Variants in ZNF507 observed in about 807,000 individuals in gnomAD.
ZNF507 encodes the protein zinc finger protein 507.
A neutral mutation model predicts 80.0 loss-of-function variants in ZNF507; 29 were observed. That is an observed-to-expected ratio of 0.36 (90% CI 0.27 to 0.49). The LOEUF (loss-of-function observed/expected upper bound fraction) is 0.49. Among genes scored for constraint, ZNF507 ranks in the 20% least tolerant of loss-of-function variants. The probability of loss-of-function intolerance (pLI) is 0.98; values close to 1 mark genes in which losing one functional copy is unlikely to be tolerated. For synonymous variants in ZNF507, 462 were observed against 422.5 expected (o/e 1.09, Z -1.15); for missense variants, 1,081 against 1,152.2 (o/e 0.94, Z 0.90).
rs1967201067 is a variant in ZNF507, at chr19:32,353,496, G to A, written c.666G>A (p.Gln222=). The A allele has an allele frequency of 6.2e-7, 1 of 1,614,094 alleles. No individual in the cohort carries two copies. Among genetic ancestry groups the A allele is most frequent in the Admixed American group, 1.7e-5 (1 of 60,006 alleles). The change falls in exon 3 of 7, where the codon CAG becomes CAA. Residue 222 remains glutamine (Q), a synonymous_variant. Transcript: ENST00000355898. ...PDIPVSVDNL[Q]THTVQTASVA... is the part of the protein sequence containing the mutation. ...TCCCAGTAAGTGTGGACAATCTACA[G>A]ACTCATACTGTCCAAACTGCATCTG...
At chr19:32,359,222 T>C (rs1967290170) in intron 4 of ZNF507, 1 of 152,240 alleles carries the variant, frequency 6.6e-6, no homozygotes, top group Non-Finnish European at 1.5e-5. Flanking sequence ...AGTGTGTATA[T>C]TAACGTTATA....
rs10616609 is a variant in ZNF507, at chr19:32,378,650, T to TA, written c.2361-3807dup. The stretch of plus-strand genomic sequence containing the variant: ...TCTAAAATTAGAAGCTTTTTTTTTT[T>TA]AAAAAAAAAAGGGAAAACAGTAAAC... On this transcript the variant is annotated intron_variant, in intron 5 of 6. Coordinates refer to ENST00000355898, the MANE Select transcript of ZNF507 (RefSeq NM_001136156.2). Among the ~76,000 whole-genome samples the TA allele has an allele frequency of 1.3e-3, 148 of 113,060 alleles. 2 individuals are homozygous for TA. Among genetic ancestry groups the TA allele is most frequent in the South Asian group, 6.7e-3 (25 of 3,716 alleles). 74.2% of individuals were successfully genotyped at this position (113,060 alleles called of 152,430 possible). A position where few individuals can be genotyped will look rare whatever the true frequency, so the allele number is the denominator to read the frequency against.
Position 32,386,312 on chromosome 19 carries a change from T to C in ZNF507, c.*3229T>C, listed in dbSNP as rs530208288. 2 of 152,778 alleles carry C rather than the reference T, an allele frequency of 1.3e-5. No homozygotes were observed. The highest frequency in any genetic ancestry group is 2.4e-5 in the African/African-American group (1 of 41,582). The allele number at this position is 152,778 out of a possible 1,614,324, so 9.5% of individuals were successfully genotyped here. A position where few individuals can be genotyped will look rare whatever the true frequency, so the allele number is the denominator to read the frequency against. On this transcript the variant is annotated 3_prime_UTR_variant, in exon 7 of 7. Coordinates refer to ENST00000355898, the MANE Select transcript of ZNF507 (RefSeq NM_001136156.2). ...TACATTGCACCTTCCCGTGCTGTAA[T>C]TGGCTTGACAAAGACAAGCAGGCTT...
intron 5 of ZNF507, among the ~76,000 whole-genome samples, chr19:32,381,514 C>T (rs1470997478): frequency 1.3e-5 from 2 of 151,926 alleles, no homozygotes; most frequent in Non-Finnish European, 1.5e-5. Context: ...GCATGAGAAT[C>T]GCTTGAACCC....
chr19:32,373,725 T>C (rs768630314), intron 5 of ZNF507, among the ~76,000 whole-genome samples: 1 of 152,246 alleles, frequency 6.6e-6, no homozygotes, highest in Non-Finnish European at 1.5e-5. Context: ...CTGTGGCCAA[T>C]TATTTATTTG....
chr19:32,358,361 T>A (rs189382118), intron 4 of ZNF507: 2 of 152,364 alleles, frequency 1.3e-5, no homozygotes, highest in Admixed American at 1.3e-4. Context: ...GAAGAGAGAT[T>A]TGTGCCTCTG....
chr19:32,371,071 G>A (rs894838769), intron 5 of ZNF507, among the ~76,000 whole-genome samples: 3 of 152,118 alleles, frequency 2.0e-5, no homozygotes, highest in African/African-American at 7.2e-5. Context: ...CATTTATTCT[G>A]TTCCATGGAT....
At chr19:32,377,204 A>C (rs1568309495) in intron 5 of ZNF507, among the ~76,000 whole-genome samples, 1 of 152,130 alleles carries the variant, frequency 6.6e-6, no homozygotes, top group Admixed American at 6.5e-5. Context: ...CAGTCTGCTA[A>C]GTAGCGAGTG....
intron 5 of ZNF507, among the ~76,000 whole-genome samples, chr19:32,372,467 C>T (rs192389826): frequency 6.6e-4 from 100 of 152,204 alleles, no homozygotes; most frequent in African/African-American, 2.3e-3. Flanking sequence ...TCACCCACAA[C>T]GCTCCACATG....
chr19:32,372,077 A>G (rs1373242670), intron 5 of ZNF507, among the ~76,000 whole-genome samples: 1 of 152,220 alleles, frequency 6.6e-6, no homozygotes, highest in African/African-American at 2.4e-5. Flanking sequence ...AAAACATTCT[A>G]GCTCTATGCT....
At chr19:32,376,965 T>G (rs1193431667) in intron 5 of ZNF507, among the ~76,000 whole-genome samples, 3 of 152,072 alleles carry the variant, frequency 2.0e-5, no homozygotes, top group African/African-American at 7.2e-5. Flanking sequence ...ATCAGAGACT[T>G]TTAGTACTTT....
intron 5 of ZNF507, among the ~76,000 whole-genome samples, chr19:32,371,404 G>T (rs537328209): frequency 4.2e-4 from 63 of 151,248 alleles, no homozygotes; most frequent in African/African-American, 1.5e-3. Context: ...AACCTGGGAG[G>T]GGGAGGTTGC....
At chr19:32,367,479 C>T (rs533877473) in intron 5 of ZNF507, among the ~76,000 whole-genome samples, 155 of 152,322 alleles carry the variant, frequency 1.0e-3, no homozygotes, top group African/African-American at 3.6e-3. Flanking sequence ...GCTTGCCTTT[C>T]TACTTTCTTA....
intron 5 of ZNF507, among the ~76,000 whole-genome samples, chr19:32,379,033 T>G (rs372971343): frequency 7.9e-5 from 12 of 152,312 alleles, no homozygotes; most frequent in African/African-American, 2.9e-4. Flanking sequence ...GGCAATGAGC[T>G]GGGTGCCCAG....
chr19:32,359,361 C>T (rs545763112), intron 4 of ZNF507: 1 of 152,218 alleles, frequency 6.6e-6, no homozygotes, highest in African/African-American at 2.4e-5. Context: ...TGTGGGTTTT[C>T]CTTTGTATAA....
At chr19:32,352,788 C>T (rs562342618) in intron 2 of ZNF507, 41 bp from the exon 3 acceptor site, 7 of 1,504,132 alleles carry the variant, frequency 4.7e-6, no homozygotes, top group South Asian at 4.0e-5. Flanking sequence ...TGTAATTATC[C>T]TGTAACCTGG....
chr19:32,354,509 G>A lies in ZNF507; in HGVS notation c.1679G>A (p.Ser560Asn). The A allele has an allele frequency of 6.2e-7, 1 of 1,614,166 alleles. No homozygotes were observed. The highest frequency in any genetic ancestry group is 2.2e-5 in the East Asian group (1 of 44,888). ...SSDGLTSLNQSNSTLVALPEG... is the reference protein window; with the variant it reads ...SSDGLTSLNQNNSTLVALPEG... ...GATGGATTAACTAGTCTTAACCAAAGCAACTCCACCTTGGTAGCACTCCCA... is the reference window on the plus strand; with the variant it reads ...GATGGATTAACTAGTCTTAACCAAAACAACTCCACCTTGGTAGCACTCCCA... The change falls in exon 3 of 7, where the codon AGC becomes AAC. Residue 560 changes from serine to asparagine, a missense_variant. This residue lies in a region of ZNF507 where 614 missense variants were observed against 583.9 expected (regional missense o/e 1.05). Transcript: ENST00000355898.
At chr19:32,356,512 T>G (rs952576042) in intron 3 of ZNF507, 104 bp from the exon 4 acceptor site, 2 of 708,466 alleles carry the variant, frequency 2.8e-6, no homozygotes, top group Admixed American at 2.5e-5. Context: ...ATATGGTAAT[T>G]CGTTGTACTA....
chr19:32,353,777 T>G lies in ZNF507; in HGVS notation c.947T>G (p.Ile316Ser). 1 of 1,614,200 alleles carries G rather than the reference T, an allele frequency of 6.2e-7. No individual in the cohort carries two copies. ...VIAIGESELS[I>S]HNGPSVQVQI... ...GCTATTGGAGAGAGTGAACTGAGTA[T>G]CCACAATGGGCCATCAGTGCAAGTG... is the stretch of plus-strand genomic sequence containing the variant. The change falls in exon 3 of 7, where the codon ATC (isoleucine) becomes AGC (serine). Residue 316 changes from isoleucine to serine, a missense_variant. Transcript: ENST00000355898.
Sources: allele counts gnomAD v4.1 joint callset (sites outside exome capture counted in the v4.1 genomes callset), GRCh38; gene constraint gnomAD v4.1.1; regional missense constraint gnomAD v4.1.1; transcripts MANE v1.5; gene names NCBI Gene and HGNC (gene_info 2026-07-23, HGNC 2026-07-21).